SYT14: variants seen among roughly 807,000 people sequenced by gnomAD.
SYT14 encodes synaptotagmin-14.
A neutral mutation model predicts 74.2 loss-of-function variants in SYT14; 32 were observed. That is an observed-to-expected ratio of 0.43 (90% CI 0.33 to 0.58). The LOEUF is 0.58. SYT14 is among the 20% of genes least tolerant of loss of function. The probability of loss-of-function intolerance (pLI) is 0.05; values close to 1 mark genes in which losing one functional copy is unlikely to be tolerated. For synonymous variants in SYT14, 298 were observed against 337.7 expected (o/e 0.88, Z 1.29); for missense variants, 791 against 981.8 (o/e 0.81, Z 2.60).
At chr1:210,100,419 A>G (rs1454869173) in exon 7 of SYT14, 1 of 1,613,436 alleles carries the variant, frequency 6.2e-7, no homozygotes, top group African/African-American at 1.3e-5. Flanking sequence ...TTCAAGGGAA[A>G]ATGTCATTGC....
At chr1:210,162,206 T>G in exon 10 of SYT14, 1 of 431,326 alleles carries the variant, frequency 2.3e-6, no homozygotes, top group Non-Finnish European at 4.7e-6. Flanking sequence ...AATTAACAGA[T>G]AAAGTTCTTC....
At chr1:210,054,489 C>T (rs1402113261) in intron 5 of SYT14, among the ~76,000 whole-genome samples, 1 of 151,960 alleles carries the variant, frequency 6.6e-6, no homozygotes, top group African/African-American at 2.4e-5. Flanking sequence ...TTTTCTTGTT[C>T]TTATATTACA....
intron 5 of SYT14, among the ~76,000 whole-genome samples, chr1:210,059,451 T>TATATATATAGAGAGAGAGAGAGAG (rs377050610): frequency 5.7e-5 from 4 of 69,890 alleles, no homozygotes; most frequent in African/African-American, 1.6e-4. Flanking sequence ...TATATATATA[T>TATATATATAGAGAGAGAGAGAGAG]AGAGAGAGAG....
chr1:210,081,442 G>A (rs2484034), intron 5 of SYT14, among the ~76,000 whole-genome samples: 33,534 of 152,138 alleles, frequency 0.22, 4,051 homozygotes, highest in Middle Eastern at 0.29. Context: ...TGGTTTCCTA[G>A]TACATATAAG....
chr1:210,010,430 T>C (rs918915269), intron 2 of SYT14, among the ~76,000 whole-genome samples: 3 of 152,140 alleles, frequency 2.0e-5, no homozygotes, highest in Non-Finnish European at 2.9e-5. Flanking sequence ...CATTAGTGCT[T>C]ATAGAATGCC....
At chr1:210,171,017 T>C (rs532567596) in exon 10 of SYT14, 2 of 152,326 alleles carry the variant, frequency 1.3e-5, no homozygotes, top group African/African-American at 4.8e-5. Flanking sequence ...TAGTTTGTTC[T>C]TTCACTTAAT....
chr1:209,967,017 T>C (rs1483398312), intron 2 of SYT14, among the ~76,000 whole-genome samples: 1 of 142,876 alleles, frequency 7.0e-6, no homozygotes, highest in African/African-American at 3.1e-5. Flanking sequence ...CCTAGTTTTC[T>C]GAAAATTTAG....
At chr1:210,120,874 G>GA (rs2082447472) in intron 7 of SYT14, among the ~76,000 whole-genome samples, 1 of 152,062 alleles carries the variant, frequency 6.6e-6, no homozygotes, top group East Asian at 1.9e-4. Flanking sequence ...TTAAAGTTAA[G>GA]AAAAATTTTT....
At chr1:210,095,589 T>C (rs2081954624) in intron 6 of SYT14, among the ~76,000 whole-genome samples, 1 of 152,176 alleles carries the variant, frequency 6.6e-6, no homozygotes. Context: ...TTTTACTGTT[T>C]TTGTTCCAGA....
chr1:210,072,213 T>C (rs2081409159), intron 5 of SYT14, among the ~76,000 whole-genome samples: 2 of 151,646 alleles, frequency 1.3e-5, no homozygotes, highest in Admixed American at 6.6e-5. Context: ...TCTTGATGCC[T>C]TGATTCCTGC....
intron 8 of SYT14, among the ~76,000 whole-genome samples, chr1:210,158,473 T>C (rs895635221): frequency 6.6e-6 from 1 of 152,232 alleles, no homozygotes. Context: ...TTGACAAATA[T>C]TTAGCTGGAG....
At chr1:209,962,270 TTA>T (rs35762549) in intron 2 of SYT14, among the ~76,000 whole-genome samples, 6 of 150,924 alleles carry the variant, frequency 4.0e-5, no homozygotes, top group African/African-American at 7.3e-5. Flanking sequence ...TATCTTTTTT[TTA>T]TATATATATA....
chr1:209,955,089 C>T (rs2078972855), intron 2 of SYT14, among the ~76,000 whole-genome samples: 2 of 152,182 alleles, frequency 1.3e-5, no homozygotes, highest in African/African-American at 4.8e-5. Flanking sequence ...CTGATTATAT[C>T]ATGTACCAGG....
chr1:209,962,289 A>C (rs764620320), intron 2 of SYT14, among the ~76,000 whole-genome samples: 2 of 151,522 alleles, frequency 1.3e-5, no homozygotes, highest in Admixed American at 6.6e-5. Context: ...TATATAGCTC[A>C]GTGACTTCTA....
chr1:209,940,356 A>G (rs1019408249), intron 1 of SYT14, among the ~76,000 whole-genome samples: 4 of 149,986 alleles, frequency 2.7e-5, no homozygotes, highest in Admixed American at 1.3e-4. Context: ...TCACCTATTA[A>G]TTCAGTAGAC....
chr1:210,133,202 G>A (rs776659711), intron 7 of SYT14, among the ~76,000 whole-genome samples: 1 of 152,172 alleles, frequency 6.6e-6, no homozygotes, highest in African/African-American at 2.4e-5. Context: ...TTCTAGCAAA[G>A]CATCTTAGCA....
At chr1:209,973,327 C>A (rs2079293413) in intron 2 of SYT14, among the ~76,000 whole-genome samples, 1 of 152,136 alleles carries the variant, frequency 6.6e-6, no homozygotes, top group African/African-American at 2.4e-5. Flanking sequence ...CGTCATTTAA[C>A]ATTAGGTATA....
chr1:210,155,252 TTTTTCCCATGTTTTTCAAC>T (rs1367462620), intron 7 of SYT14, among the ~76,000 whole-genome samples: 1 of 152,222 alleles, frequency 6.6e-6, no homozygotes, highest in African/African-American at 2.4e-5. Context: ...ACATGATTAA[TTTTTCCCATGTTTTTCAAC>T]TTTTCTATAT....
In SYT14 at chr1:210,105,479, C is replaced by T. The variant is rs541868116; in HGVS notation, c.2034+5018C>T. On this transcript the variant is annotated intron_variant, in intron 7 of 9. Transcript: ENST00000637265. ...GAAGCCTCTGTTGCCAATCCAAAAT[C>T]GATATGTTGTATAAGGAGGAAGTAA... Among the ~76,000 whole-genome samples the T allele has an allele frequency of 7.9e-5, 12 of 152,220 alleles. No individual in the cohort carries two copies. The South Asian group carries it at 1.5e-3, about 18-fold the overall frequency.
Sources: gnomAD v4.1 joint callset for allele counts (sites outside exome capture counted in the v4.1 genomes callset) on GRCh38, gnomAD v4.1.1 for gene constraint, MANE v1.5 for transcripts, NCBI Gene and HGNC (gene_info 2026-07-23, HGNC 2026-07-21) for gene names.